The following MMS22L variants were observed in gnomAD, a reference collection of about 807,000 sequenced individuals.
MMS22L encodes protein MMS22-like.
Under a neutral mutation model 159.1 loss-of-function variants are expected in MMS22L, and 74 were observed. The observed-to-expected ratio is 0.47, with a 90% CI of 0.39 to 0.56. The LOEUF (loss-of-function observed/expected upper bound fraction) is 0.56. MMS22L is among the 20% of genes least tolerant of loss of function. The pLI is 0.00. For missense variants in MMS22L, 1,351 were observed against 1,422.1 expected (o/e 0.95, Z 0.80); for synonymous variants, 517 against 506.9 (o/e 1.02, Z -0.27).
chr6:97,194,311 C>T (rs1441897479), intron 14 of MMS22L, among the ~76,000 whole-genome samples: 3 of 152,098 alleles, frequency 2.0e-5, no homozygotes, highest in African/African-American at 7.2e-5. Flanking sequence ...TCACCTTGGC[C>T]TCCCAAAGTG....
At chr6:97,198,507 T>C (rs549811364) in intron 14 of MMS22L, among the ~76,000 whole-genome samples, 2 of 152,282 alleles carry the variant, frequency 1.3e-5, no homozygotes, top group South Asian at 4.1e-4. Flanking sequence ...ACTATGTTAT[T>C]ACATAGTATA....
At chr6:97,210,680 T>C (rs1359042139) in intron 14 of MMS22L, among the ~76,000 whole-genome samples, 1 of 151,936 alleles carries the variant, frequency 6.6e-6, no homozygotes, top group Admixed American at 6.6e-5. Context: ...GTTGTATTAG[T>C]CCATATAGAA....
rs761436164 is a variant in MMS22L at position 97,165,408 on chromosome 6, T to A, written c.3059A>T (p.Asn1020Ile). 1.2e-6 allele frequency: 2 copies of A among 1,613,148 alleles called. No homozygotes were observed. Among genetic ancestry groups the A allele is most frequent in the South Asian group, 2.2e-5 (2 of 91,060 alleles). Residue 1020 changes from asparagine to isoleucine, a missense_variant, in exon 21 of 25, where the codon AAT (asparagine) becomes ATT (isoleucine). By Grantham distance (149) the Asn-to-Ile change is moderately radical. Coordinates refer to ENST00000683635, the MANE Select transcript of MMS22L (RefSeq NM_001350599.2). ...CQSQNPNAYL[N>I]QLLGNVIEQY... ...CTCAATAACATTCCCTAGCAATTGA[T>A]TCAAATAGGCATTCGGATTTTGAGA...
chr6:97,145,607 G>A lies in MMS22L; in HGVS notation c.*1199C>T, dbSNP rs1010999248. 6.6e-6 allele frequency: 1 copy of A among 152,164 alleles called. No homozygotes were observed. Among genetic ancestry groups the A allele is most frequent in the African/African-American group, 2.4e-5 (1 of 41,446 alleles). The allele number at this position is 152,164 out of a possible 1,614,324, so 9.4% of individuals were successfully genotyped here. On this transcript the variant is annotated 3_prime_UTR_variant, in exon 25 of 25. Coordinates refer to ENST00000683635, the MANE Select transcript of MMS22L (RefSeq NM_001350599.2). ...TGTGCACGAGTAATAAACTAATCGT[G>A]TCTGTACATTTCCCAACAGAATTTG...
chr6:97,162,001 C>A lies in MMS22L; in HGVS notation c.3385+1G>T. 6.2e-7 allele frequency: 1 copy of A among 1,605,074 alleles called. No homozygotes were observed. The highest frequency in any genetic ancestry group is 8.5e-7 in the Non-Finnish European group (1 of 1,177,166). The stretch of plus-strand genomic sequence containing the variant: ...TAACAAAAATAAGCTTACAAACAAA[C>A]CTTGTGGTTCACTGACTAACACCAA... On this transcript the variant is annotated splice_donor_variant, in intron 22 of 24. Coordinates refer to ENST00000683635, the MANE Select transcript of MMS22L (RefSeq NM_001350599.2). LOFTEE classifies it high-confidence loss of function.
chr6:97,234,710 G>T (rs1487936724), intron 11 of MMS22L, among the ~76,000 whole-genome samples: 2 of 152,160 alleles, frequency 1.3e-5, no homozygotes, highest in African/African-American at 4.8e-5. Context: ...AATTTGAACA[G>T]AAGTAACTGC....
chr6:97,205,847 A>G (rs547574565), intron 14 of MMS22L, among the ~76,000 whole-genome samples: 2 of 152,306 alleles, frequency 1.3e-5, no homozygotes, highest in East Asian at 3.9e-4. Context: ...GTCCCATTTA[A>G]GATAATCACC....
At chr6:97,248,812 T>C (rs1402721392) in intron 10 of MMS22L, among the ~76,000 whole-genome samples, 1 of 151,442 alleles carries the variant, frequency 6.6e-6, no homozygotes, top group African/African-American at 2.4e-5. Context: ...TGAGCAGAGA[T>C]CGTGCCATTG....
intron 13 of MMS22L, 66 bp from the exon 14 acceptor site, chr6:97,229,469 G>T: frequency 1.7e-6 from 2 of 1,207,290 alleles, no homozygotes; most frequent in South Asian, 1.7e-5. Context: ...TCTCTTAAAA[G>T]AAAATTTGTT....
intron 18 of MMS22L, among the ~76,000 whole-genome samples, chr6:97,175,561 T>TA (rs1171571211): frequency 6.6e-6 from 1 of 152,180 alleles, no homozygotes; most frequent in Non-Finnish European, 1.5e-5. Flanking sequence ...GTGAATCTTT[T>TA]ACATCCATGA....
At chr6:97,172,208 T>C (rs1278689404) in intron 19 of MMS22L, among the ~76,000 whole-genome samples, 1 of 152,176 alleles carries the variant, frequency 6.6e-6, no homozygotes, top group East Asian at 1.9e-4. Context: ...CTTACATTTT[T>C]CTCTAAAATT....
Position 97,144,609 on chromosome 6 carries a change from G to A in MMS22L, c.*2197C>T, listed in dbSNP as rs1484441152. 6.6e-6 allele frequency: 1 copy of A among 152,138 alleles called. No homozygotes were observed. Among genetic ancestry groups the A allele is most frequent in the Non-Finnish European group, 1.5e-5 (1 of 68,042 alleles). 9.4% of individuals were successfully genotyped at this position (152,138 alleles called of 1,614,324 possible). On this transcript the variant is annotated 3_prime_UTR_variant, in exon 25 of 25. Coordinates refer to ENST00000683635, the MANE Select transcript of MMS22L (RefSeq NM_001350599.2). Reference sequence around the variant, plus strand: ...AATGGCTTGTATTACACTGGTAGAAGCAGCAGCCTCAGAAATTACAGGGTA... The same window carrying A: ...AATGGCTTGTATTACACTGGTAGAAACAGCAGCCTCAGAAATTACAGGGTA...
At chr6:97,173,035 C>G in intron 19 of MMS22L, 28 bp downstream of exon 19, 1 of 1,599,296 alleles carries the variant, frequency 6.3e-7, no homozygotes. Context: ...GGAAATGTTA[C>G]TAGCAAAATA....
chr6:97,243,511 T>C (rs1275399798), intron 11 of MMS22L, among the ~76,000 whole-genome samples: 2 of 152,134 alleles, frequency 1.3e-5, no homozygotes. Context: ...ATTTCTTTAA[T>C]CTGGTTTTCA....
intron 3 of MMS22L, among the ~76,000 whole-genome samples, chr6:97,279,555 C>G (rs1006977967): frequency 6.6e-6 from 1 of 151,704 alleles, no homozygotes; most frequent in Non-Finnish European, 1.5e-5. Flanking sequence ...GAGGCCAAGG[C>G]AGGTGGAACA....
chr6:97,266,075 A>G (rs1815077936), intron 8 of MMS22L: 1 of 152,162 alleles, frequency 6.6e-6, no homozygotes, highest in Non-Finnish European at 1.5e-5. Context: ...AAAATGCTCA[A>G]CGTCACTACT....
At chr6:97,178,084 G>C (rs1445167476) in intron 18 of MMS22L, among the ~76,000 whole-genome samples, 1 of 152,070 alleles carries the variant, frequency 6.6e-6, no homozygotes, top group African/African-American at 2.4e-5. Flanking sequence ...CACTAAGGTG[G>C]GAGTATCATG....
intron 17 of MMS22L, 77 bp from the exon 18 acceptor site, chr6:97,178,662 A>ACAT: frequency 1.5e-6 from 1 of 681,710 alleles, no homozygotes; most frequent in Non-Finnish European, 2.3e-6. Context: ...CAACATATAT[A>ACAT]TAATGTATAT....
chr6:97,151,875 G>GA lies in MMS22L; in HGVS notation c.3386-9dup. On this transcript the variant is annotated splice_polypyrimidine_tract_variant and intron_variant, in intron 22 of 24. Transcript: ENST00000683635. Reference sequence around the variant, plus strand: ...CTGTGGCCAGCCTTTTAACTAGAAGGAAAAATTACAGCATTAGGCACTGTG... The same window carrying GA: ...CTGTGGCCAGCCTTTTAACTAGAAGGAAAAAATTACAGCATTAGGCACTGTG... The GA allele has an allele frequency of 1.9e-6, 3 of 1,609,966 alleles. No homozygotes were observed. The highest frequency in any genetic ancestry group is 1.7e-5 in the Admixed American group (1 of 59,900).
Sources: gnomAD v4.1 joint callset for allele counts (sites outside exome capture counted in the v4.1 genomes callset) on GRCh38, gnomAD v4.1.1 for gene constraint, MANE v1.5 for transcripts, NCBI Gene and HGNC (gene_info 2026-07-23, HGNC 2026-07-21) for gene names.